The following ADAMTSL1 variants were observed in gnomAD, a reference collection of about 807,000 sequenced individuals.
ADAMTSL1 encodes ADAMTS-like protein 1.
ADAMTSL1 carries 126 observed loss-of-function variants against 201.8 expected under a neutral mutation model. The ratio of observed to expected loss-of-function variants is 0.62; its 90% CI spans 0.54 to 0.72. ADAMTSL1 has a LOEUF of 0.72. Among genes scored for constraint, ADAMTSL1 ranks in the 30% least tolerant of loss-of-function variants. ADAMTSL1 has a pLI of 0.00. For missense variants in ADAMTSL1, 2,679 were observed against 2,277.8 expected (o/e 1.18, Z -3.59); for synonymous variants, 1,121 against 903.4 (o/e 1.24, Z -4.32).
At chr9:18,358,106 C>A (rs143526027) in intron 2 of ADAMTSL1, among the ~76,000 whole-genome samples, 90 of 152,232 alleles carry the variant, frequency 5.9e-4, no homozygotes, top group African/African-American at 2.0e-3. Flanking sequence ...TTGGTCAAGT[C>A]AGTTAATCAG....
At chr9:18,125,142 C>T (rs916518298) in intron 1 of ADAMTSL1, among the ~76,000 whole-genome samples, 4 of 152,296 alleles carry the variant, frequency 2.6e-5, no homozygotes, top group East Asian at 3.9e-4. Context: ...TAACTGGACT[C>T]ACAGTTCCAT....
intron 2 of ADAMTSL1, among the ~76,000 whole-genome samples, chr9:18,296,727 C>T (rs1175333698): frequency 6.6e-6 from 1 of 152,162 alleles, no homozygotes; most frequent in Non-Finnish European, 1.5e-5. Context: ...GAATAGCTGG[C>T]TCTAAATAGT....
At chr9:18,202,071 G>C (rs888991928) in intron 2 of ADAMTSL1, among the ~76,000 whole-genome samples, 4 of 152,132 alleles carry the variant, frequency 2.6e-5, no homozygotes, top group African/African-American at 9.7e-5. Context: ...GTTGGGTAAT[G>C]TGCAGTGATA....
chr9:18,871,819 G>T (rs117191623), intron 23 of ADAMTSL1, among the ~76,000 whole-genome samples: 5 of 152,160 alleles, frequency 3.3e-5, no homozygotes, highest in African/African-American at 7.2e-5. Context: ...AACTGATACA[G>T]ACTCTCTAAA....
intron 2 of ADAMTSL1, among the ~76,000 whole-genome samples, chr9:18,359,875 C>T (rs374275925): frequency 1.2e-4 from 14 of 120,184 alleles, no homozygotes; most frequent in African/African-American, 3.5e-4. Flanking sequence ...ACATTTGATA[C>T]CTTGGACTCA....
At chr9:18,608,012 C>G (rs980330102) in intron 4 of ADAMTSL1, among the ~76,000 whole-genome samples, 1 of 152,038 alleles carries the variant, frequency 6.6e-6, no homozygotes, top group African/African-American at 2.4e-5. Flanking sequence ...AAATTACATG[C>G]TTTTTTATAC....
intron 2 of ADAMTSL1, among the ~76,000 whole-genome samples, chr9:18,514,171 A>C (rs1818215847): frequency 6.6e-6 from 1 of 152,138 alleles, no homozygotes; most frequent in East Asian, 1.9e-4. Context: ...TTCTTTCAGT[A>C]ATGTTTTGTG....
At chr9:18,479,414 G>T (rs1821615280) in intron 1 of ADAMTSL1, among the ~76,000 whole-genome samples, 1 of 152,112 alleles carries the variant, frequency 6.6e-6, no homozygotes, top group South Asian at 2.1e-4. Context: ...TTTGATTAGA[G>T]AAATATATTT....
At chr9:18,776,142 T>G (rs1820973598) in intron 18 of ADAMTSL1, among the ~76,000 whole-genome samples, 1 of 152,104 alleles carries the variant, frequency 6.6e-6, no homozygotes, top group South Asian at 2.1e-4. Flanking sequence ...AAAGTTCACT[T>G]GCTGGCATAC....
intron 2 of ADAMTSL1, among the ~76,000 whole-genome samples, chr9:18,316,258 C>T (rs974699879): frequency 2.6e-5 from 4 of 152,052 alleles, no homozygotes; most frequent in Non-Finnish European, 4.4e-5. Context: ...GTTTCGGGCA[C>T]CATTGTCACT....
chr9:18,118,445 G>A (rs1825357183), intron 1 of ADAMTSL1, among the ~76,000 whole-genome samples: 2 of 152,168 alleles, frequency 1.3e-5, no homozygotes, highest in Non-Finnish European at 2.9e-5. Flanking sequence ...GGCAACACAT[G>A]GCAGCTGGAC....
chr9:18,810,155 A>G (rs185705263), intron 20 of ADAMTSL1, among the ~76,000 whole-genome samples: 6 of 152,332 alleles, frequency 3.9e-5, no homozygotes, highest in Admixed American at 2.0e-4. Context: ...TACATTTACT[A>G]TGCTCAACAA....
At chr9:18,011,212 G>A (rs1287203343) in intron 1 of ADAMTSL1, among the ~76,000 whole-genome samples, 1 of 152,016 alleles carries the variant, frequency 6.6e-6, no homozygotes. Context: ...CTGTAACCAT[G>A]AAATTAAGTT....
intron 4 of ADAMTSL1, among the ~76,000 whole-genome samples, chr9:18,621,331 G>A (rs1826019687): frequency 1.3e-5 from 2 of 152,036 alleles, no homozygotes; most frequent in South Asian, 2.1e-4. Flanking sequence ...GATTTGGACC[G>A]GGCATAAATG....
intron 1 of ADAMTSL1, among the ~76,000 whole-genome samples, chr9:17,986,501 T>C (rs1204671916): frequency 6.6e-6 from 1 of 152,102 alleles, no homozygotes. Context: ...GAATGATCTG[T>C]AATCCTCTGT....
chr9:17,929,790 C>G (rs1365736985), intron 1 of ADAMTSL1, among the ~76,000 whole-genome samples: 1 of 152,180 alleles, frequency 6.6e-6, no homozygotes, highest in African/African-American at 2.4e-5. Context: ...TGGCTTCTGT[C>G]ATTATTTCTC....
At chr9:18,189,224 A>T (rs1266087609) in intron 2 of ADAMTSL1, among the ~76,000 whole-genome samples, 1 of 152,150 alleles carries the variant, frequency 6.6e-6, no homozygotes, top group Non-Finnish European at 1.5e-5. Flanking sequence ...GAGGGGATGC[A>T]TGAGAACATT....
chr9:18,492,900 T>C (rs1822336336), intron 1 of ADAMTSL1, among the ~76,000 whole-genome samples: 1 of 152,184 alleles, frequency 6.6e-6, no homozygotes, highest in Non-Finnish European at 1.5e-5. Context: ...GCCTAGACTG[T>C]GTCCCTGTTT....
At chr9:18,227,733 A>C (rs1587354349) in intron 2 of ADAMTSL1, among the ~76,000 whole-genome samples, 1 of 152,302 alleles carries the variant, frequency 6.6e-6, no homozygotes, top group East Asian at 1.9e-4. Flanking sequence ...TAGCACCCCC[A>C]GTAGCCTGAT....
Sources: gnomAD v4.1 joint callset for allele counts (sites outside exome capture counted in the v4.1 genomes callset) on GRCh38, gnomAD v4.1.1 for gene constraint, MANE v1.5 for transcripts, NCBI Gene and HGNC (gene_info 2026-07-23, HGNC 2026-07-21) for gene names.